Variants in ANKAR observed in about 807,000 individuals in gnomAD.
The protein encoded by ANKAR is ankyrin and armadillo repeat-containing protein.
Under a neutral mutation model 146.2 loss-of-function variants are expected in ANKAR, and 136 were observed. The observed-to-expected ratio is 0.93, with a 90% CI of 0.81 to 1.07. The LOEUF (loss-of-function observed/expected upper bound fraction) is 1.07, where lower values mean the gene tolerates loss of function less well. Among genes scored for constraint, ANKAR ranks in the 50% least tolerant of loss-of-function variants. The pLI is 0.00. For missense variants in ANKAR, 1,567 were observed against 1,679.9 expected, an observed-to-expected ratio of 0.93 and a Z score of 1.18; for synonymous variants, 500 against 575.8, an observed-to-expected ratio of 0.87 and a Z score of 1.88.
intron 18 of ANKAR, chr2:189,754,210 A>T (rs1191341872): frequency 6.2e-7 from 1 of 1,613,746 alleles, no homozygotes. Flanking sequence ...GAAAAATCAC[A>T]ATTTTTAGCA....
At position 189,711,068 on chromosome 2, in the gene ANKAR, C is replaced by T. The variant is rs1428473281; in HGVS notation, c.2139C>T (p.Ser713=). ...KTLVEMLQCE[S]YKRRMMAVMS... ...TAACAGAAATGTTACAGTGTGAAAG[C>T]TATAAACGAAGGATGATGGCCGTCA... Residue 713 remains serine (S), a synonymous_variant, in exon 10 of 23, where the codon AGC becomes AGT. Coordinates refer to ENST00000684021, the MANE Select transcript of ANKAR (RefSeq NM_001378068.1). 2 of 1,613,858 alleles carry T rather than the reference C, an allele frequency of 1.2e-6. No homozygotes were observed. The highest frequency in any genetic ancestry group is 3.3e-5 in the Admixed American group (2 of 60,016).
chr2:189,739,036 G>A (rs1429858837), intron 19 of ANKAR, among the ~76,000 whole-genome samples: 1 of 152,174 alleles, frequency 6.6e-6, no homozygotes, highest in Non-Finnish European at 1.5e-5. Context: ...TTACACAGAT[G>A]TACCTCTGTC....
Position 189,727,858 on chromosome 2 carries a change from G to A in ANKAR, c.2638G>A (p.Val880Met), listed in dbSNP as rs2042042095. Residue 880 changes from valine (V) to methionine (M), a missense_variant and splice_region_variant, in exon 13 of 23, where the codon GTG becomes ATG. Transcript: ENST00000684021. The part of the protein sequence containing the change: ...LIRFLSSDSD[V>M]LKAVSSAAIA... Reference sequence around the variant, plus strand: ...CTTGTTCTTAAATTCATTTGAAGATGTGTTGAAGGCTGTATCTTCTGCTGC... The same window carrying A: ...CTTGTTCTTAAATTCATTTGAAGATATGTTGAAGGCTGTATCTTCTGCTGC... 1.2e-6 allele frequency: 2 copies of A among 1,611,640 alleles called. No individual in the cohort carries two copies. The highest frequency in any genetic ancestry group is 1.3e-5 in the African/African-American group (1 of 74,834).
At chr2:189,754,072 A>C (rs1446113706) in intron 18 of ANKAR, 1 of 1,612,370 alleles carries the variant, frequency 6.2e-7, no homozygotes, top group East Asian at 2.2e-5. Context: ...TACCTGCAGA[A>C]ATGAGCAGCT....
At chr2:189,695,284 T>C in intron 6 of ANKAR, 123 bp downstream of exon 6, 2 of 822,370 alleles carry the variant, frequency 2.4e-6, no homozygotes, top group Non-Finnish European at 3.5e-6. Flanking sequence ...TGAAATAAAA[T>C]GCCACATTTT....
Position 189,692,005 on chromosome 2 carries a change from G to A in ANKAR, c.1040-250G>A, listed in dbSNP as rs565424084. Among the ~76,000 whole-genome samples the A allele has an allele frequency of 6.4e-4, 98 of 151,992 alleles. 1 individual carries two copies. The highest frequency in any genetic ancestry group is 1.2e-3 in the Non-Finnish European group (80 of 67,976). On this transcript the variant is annotated intron_variant, in intron 3 of 22. Coordinates refer to ENST00000684021, the MANE Select transcript of ANKAR (RefSeq NM_001378068.1). Reference sequence around the variant, plus strand: ...TTGAACTTCTAGGCTCAAGCGATCCGCCCCCCTCAGCCTCTCAAAATGCTG... The same window carrying A: ...TTGAACTTCTAGGCTCAAGCGATCCACCCCCCTCAGCCTCTCAAAATGCTG...
intron 2 of ANKAR, among the ~76,000 whole-genome samples, chr2:189,688,777 A>G (rs114365934): frequency 1.4e-4 from 22 of 152,352 alleles, no homozygotes; most frequent in African/African-American, 5.1e-4. Flanking sequence ...GACTTAACAT[A>G]TAAATGCATT....
chr2:189,702,307 G>A (rs548330402), intron 7 of ANKAR, among the ~76,000 whole-genome samples: 1 of 152,256 alleles, frequency 6.6e-6, no homozygotes, highest in South Asian at 2.1e-4. Flanking sequence ...TCACTGTGAG[G>A]ACTTGATAAA....
In ANKAR at chr2:189,743,304, C is replaced by T. The variant is rs1278353205; in HGVS notation, c.3840C>T (p.Gly1280=). The T allele has an allele frequency of 6.2e-7, 1 of 1,613,972 alleles. No individual in the cohort carries two copies. Among genetic ancestry groups the T allele is most frequent in the Non-Finnish European group, 8.5e-7 (1 of 1,179,950 alleles). ...EVRAACSSAL[G]YLTYNANAFR... ...GTGCAGCTTGTTCCTCTGCTCTTGG[C>T]TACTTAACATACAATGCAAATGCTT... is the stretch of plus-strand genomic sequence containing the variant. The change falls in exon 21 of 23, where the codon GGC becomes GGT. Residue 1280 remains glycine, a synonymous_variant. Coordinates refer to ENST00000684021, the MANE Select transcript of ANKAR (RefSeq NM_001378068.1).
chr2:189,710,992 C>A, intron 9 of ANKAR, 57 bp from the exon 10 acceptor site: 1 of 1,425,130 alleles, frequency 7.0e-7, no homozygotes, highest in Non-Finnish European at 9.8e-7. Context: ...CAGAATCAAG[C>A]ATTTCATTGC....
intron 16 of ANKAR, 79 bp downstream of exon 16, chr2:189,730,680 AG>A (rs528481487): frequency 6.9e-5 from 45 of 649,160 alleles, no homozygotes; most frequent in Non-Finnish European, 9.6e-5. Context: ...TCTTTATTCA[AG>A]TTCATAAACA....
intron 7 of ANKAR, among the ~76,000 whole-genome samples, chr2:189,699,807 C>T (rs988866945): frequency 2.6e-5 from 4 of 152,118 alleles, no homozygotes; most frequent in Non-Finnish European, 5.9e-5. Flanking sequence ...GCTGGGATTA[C>T]AGATGTGCAC....
intron 2 of ANKAR, 146 bp from the exon 3 acceptor site, chr2:189,689,381 T>C (rs966620178): frequency 1.4e-6 from 1 of 690,340 alleles, no homozygotes; most frequent in African/African-American, 1.8e-5. Flanking sequence ...CTTAGAATTA[T>C]ATATTTGGTT....
In ANKAR at chr2:189,705,010, C is replaced by G; in HGVS notation, c.1709-13C>G. ...GTGCTGTGATCACTGAAGTAATTGT[C>G]CATCCATTCTAGGTCCAACACCTCT... On this transcript the variant is annotated splice_polypyrimidine_tract_variant and intron_variant, in intron 7 of 22. Transcript: ENST00000684021. 6.2e-7 allele frequency: 1 copy of G among 1,612,220 alleles called. No individual in the cohort carries two copies. Among genetic ancestry groups the G allele is most frequent in the Non-Finnish European group, 8.5e-7 (1 of 1,178,740 alleles).
chr2:189,755,165 T>G (rs373260336), intron 18 of ANKAR: 51 of 1,593,584 alleles, frequency 3.2e-5, no homozygotes, highest in Non-Finnish European at 4.1e-5. Flanking sequence ...AAATTAATTC[T>G]TAATTACCTT....
intron 3 of ANKAR, 127 bp from the exon 4 acceptor site, chr2:189,692,128 T>A (rs1198152152): frequency 2.7e-6 from 2 of 750,632 alleles, no homozygotes; most frequent in African/African-American, 3.6e-5. Flanking sequence ...TGCACTATAA[T>A]TGCCAAGATT....
intron 8 of ANKAR, among the ~76,000 whole-genome samples, chr2:189,706,564 G>A (rs2038980018): frequency 1.3e-5 from 2 of 152,196 alleles, no homozygotes; most frequent in African/African-American, 4.8e-5. Context: ...AGTAATGGGT[G>A]TAATTAATTC....
At chr2:189,691,670 A>G (rs1574409804) in intron 3 of ANKAR, among the ~76,000 whole-genome samples, 1 of 149,178 alleles carries the variant, frequency 6.7e-6, no homozygotes, top group East Asian at 1.9e-4. Flanking sequence ...CAAAATATAA[A>G]TATATTGTAT....
chr2:189,675,073 C>T (rs562530998), intron 1 of ANKAR, among the ~76,000 whole-genome samples: 1 of 152,320 alleles, frequency 6.6e-6, no homozygotes, highest in East Asian at 1.9e-4. Flanking sequence ...GCACTATCAG[C>T]ATTTCCTGTA....
Sources: gnomAD v4.1 joint callset for allele counts (sites outside exome capture counted in the v4.1 genomes callset) on GRCh38, gnomAD v4.1.1 for gene constraint, MANE v1.5 for transcripts, NCBI Gene and HGNC (gene_info 2026-07-23, HGNC 2026-07-21) for gene names.